Variants in KAT2B observed in about 807,000 individuals in gnomAD.
The protein encoded by KAT2B is histone acetyltransferase KAT2B.
KAT2B carries 36 observed loss-of-function variants against 105.9 expected under a neutral mutation model. The ratio of observed to expected loss-of-function variants is 0.34; its 90% CI spans 0.26 to 0.45. KAT2B has a LOEUF of 0.45. Ranked by LOEUF, KAT2B falls within the 20% of genes least tolerant of loss-of-function variation. The pLI is 1.00. For synonymous variants in KAT2B, 397 were observed against 377.9 expected, an observed-to-expected ratio of 1.05 and a Z score of -0.59; for missense variants, 820 against 1,021.6, an observed-to-expected ratio of 0.80 and a Z score of 2.69.
chr3:20,073,718 A>AAC (rs374789967), intron 2 of KAT2B, among the ~76,000 whole-genome samples: 62,480 of 151,766 alleles, frequency 0.41, 13,116 homozygotes, highest in South Asian at 0.49. Flanking sequence ...CTTTTTAAAA[A>AAC]AATAAATAAA....
chr3:20,050,172 C>T (rs563107220), intron 1 of KAT2B, among the ~76,000 whole-genome samples: 3 of 150,420 alleles, frequency 2.0e-5, no homozygotes, highest in African/African-American at 7.3e-5. Context: ...TGCACTCTAG[C>T]CTGGGCAATG....
chr3:20,122,757 G>A lies in KAT2B; in HGVS notation c.1366G>A (p.Glu456Lys), dbSNP rs201839892. ...GGATATTCCGATGGAATTAATCAAC[G>A]AGGTTATGTCTACCATCACGGACCC... is the stretch of plus-strand genomic sequence containing the variant. The part of the protein sequence containing the change: ...MGDIPMELIN[E>K]VMSTITDPAA... Residue 456 changes from glutamate (E) to lysine (K), a missense_variant, in exon 9 of 18, where the codon GAG (glutamate) becomes AAG (lysine). This residue lies in a region of KAT2B where 225 missense variants were observed against 268.1 expected (regional missense o/e 0.84). Transcript: ENST00000263754. 1.7e-5 allele frequency: 28 copies of A among 1,614,110 alleles called. No individual in the cohort carries two copies. Among genetic ancestry groups the A allele is most frequent in the East Asian group, 8.9e-5 (4 of 44,880 alleles).
intron 11 of KAT2B, among the ~76,000 whole-genome samples, chr3:20,133,409 C>A (rs1699545072): frequency 8.8e-6 from 1 of 113,530 alleles, no homozygotes; most frequent in African/African-American, 3.6e-5. Context: ...CTCAGGTACT[C>A]AGTAGCTACA....
intron 1 of KAT2B, among the ~76,000 whole-genome samples, chr3:20,066,528 A>G (rs1698225388): frequency 6.6e-6 from 1 of 152,066 alleles, no homozygotes; most frequent in African/African-American, 2.4e-5. Flanking sequence ...CTTCCCGAGT[A>G]GCTGGGATTA....
chr3:20,079,092 G>C (rs957077384), intron 2 of KAT2B, among the ~76,000 whole-genome samples: 8 of 150,226 alleles, frequency 5.3e-5, no homozygotes, highest in Non-Finnish European at 7.4e-5. Context: ...GTAGAGAGTG[G>C]ATTTTGCCAA....
intron 3 of KAT2B, 34 bp downstream of exon 3, chr3:20,095,442 C>A: frequency 6.8e-7 from 1 of 1,469,614 alleles, no homozygotes; most frequent in South Asian, 1.2e-5. Flanking sequence ...CATTTTCTCT[C>A]ATTATTCAAA....
intron 2 of KAT2B, among the ~76,000 whole-genome samples, chr3:20,080,709 C>G (rs1198403051): frequency 6.6e-6 from 1 of 152,150 alleles, no homozygotes; most frequent in African/African-American, 2.4e-5. Flanking sequence ...CCATGTGTGG[C>G]TATTGAACAC....
intron 5 of KAT2B, 33 bp from the exon 6 acceptor site, chr3:20,111,563 G>A: frequency 6.4e-7 from 1 of 1,553,862 alleles, no homozygotes; most frequent in South Asian, 1.2e-5. Flanking sequence ...GGGTTTATGG[G>A]ATATTGATGG....
At chr3:20,046,304 G>T (rs1697809769) in intron 1 of KAT2B, among the ~76,000 whole-genome samples, 1 of 152,140 alleles carries the variant, frequency 6.6e-6, no homozygotes, top group Non-Finnish European at 1.5e-5. Flanking sequence ...AATAGGCCCA[G>T]GGCATGGTGG....
At chr3:20,076,146 C>T (rs551101931) in intron 2 of KAT2B, among the ~76,000 whole-genome samples, 1 of 152,182 alleles carries the variant, frequency 6.6e-6, no homozygotes, top group East Asian at 1.9e-4. Flanking sequence ...GATACTCCTC[C>T]TGCTCAGGAA....
chr3:20,107,984 T>A (rs1699053721), intron 5 of KAT2B, among the ~76,000 whole-genome samples: 1 of 151,696 alleles, frequency 6.6e-6, no homozygotes, highest in African/African-American at 2.4e-5. Flanking sequence ...AATGTTTATA[T>A]TTTTTAGTAG....
At chr3:20,113,818 T>C (rs1454354951) in intron 6 of KAT2B, among the ~76,000 whole-genome samples, 1 of 152,066 alleles carries the variant, frequency 6.6e-6, no homozygotes, top group Non-Finnish European at 1.5e-5. Context: ...TGCCTTTTTT[T>C]CCACTTGGCT....
At position 20,040,822 on chromosome 3, in the gene KAT2B, GC is replaced by G. The variant is rs752319109; in HGVS notation, c.303+45del. 6 of 1,529,688 alleles carry G rather than the reference GC, an allele frequency of 3.9e-6. No individual in the cohort carries two copies. The East Asian group carries it at 1.6e-4, about 40-fold the overall frequency. The allele number at this position is 1,529,688 out of a possible 1,614,324, so 94.8% of individuals were successfully genotyped here. On this transcript the variant is annotated intron_variant, in intron 1 of 17. Coordinates refer to ENST00000263754, the MANE Select transcript of KAT2B (RefSeq NM_003884.5). ...CTCGGACCGCGGATGGGTGCTAGGG[GC>G]CCAGCCCGCGGGACCCCCCTCCCCC...
chr3:20,120,432 T>C (rs937458249), intron 8 of KAT2B, among the ~76,000 whole-genome samples: 1 of 152,058 alleles, frequency 6.6e-6, no homozygotes, highest in South Asian at 2.1e-4. Flanking sequence ...TTTGCCATAT[T>C]GGTCAGGCTG....
intron 1 of KAT2B, among the ~76,000 whole-genome samples, chr3:20,046,098 C>G (rs1250575356): frequency 6.6e-6 from 1 of 152,142 alleles, no homozygotes; most frequent in Non-Finnish European, 1.5e-5. Flanking sequence ...AAAAAAGTGT[C>G]CCCAGAATTC....
intron 5 of KAT2B, among the ~76,000 whole-genome samples, chr3:20,105,982 T>C (rs1185873046): frequency 6.6e-6 from 1 of 152,138 alleles, no homozygotes; most frequent in African/African-American, 2.4e-5. Flanking sequence ...TCAGGAAGCA[T>C]GGAAAGAACA....
Position 20,099,891 on chromosome 3 carries a change from A to C in KAT2B, c.606A>C (p.Gly202=), listed in dbSNP as rs751861624. 6.2e-7 allele frequency: 1 copy of C among 1,607,600 alleles called. No homozygotes were observed. The highest frequency in any genetic ancestry group is 1.7e-5 in the Admixed American group (1 of 59,680). ...TGAGAAAGTCTATTTTACAAAGAGG[A>C]AAACCTGTGGTTGAAGGCTCTTTGG... ...KLLRKSILQR[G]KPVVEGSLEK... The change falls in exon 4 of 18, where the codon GGA becomes GGC. Residue 202 remains glycine (G), a synonymous_variant. Coordinates refer to ENST00000263754, the MANE Select transcript of KAT2B (RefSeq NM_003884.5).
intron 1 of KAT2B, among the ~76,000 whole-genome samples, chr3:20,050,705 CTTT>C (rs769997231): frequency 3.5e-5 from 5 of 142,444 alleles, no homozygotes; most frequent in African/African-American, 2.6e-5. Flanking sequence ...TGGGATGAAT[CTTT>C]TTTTTTTTTT....
rs941522964 is a variant in KAT2B at position 20,152,830 on chromosome 3, G to A, written c.*305G>A. On this transcript the variant is annotated 3_prime_UTR_variant, in exon 18 of 18. Transcript: ENST00000263754. Reference sequence around the variant, plus strand: ...TTAGGGGTTTCCTCAAAACCTGTGTGTGAGGAAATTGCACACAGTAGCAAA... The same window carrying A: ...TTAGGGGTTTCCTCAAAACCTGTGTATGAGGAAATTGCACACAGTAGCAAA... 1 of 176,884 alleles carries A rather than the reference G, an allele frequency of 5.7e-6. No homozygotes were observed. The highest frequency in any genetic ancestry group is 1.2e-5 in the Non-Finnish European group (1 of 83,648). 11.0% of individuals were successfully genotyped at this position (176,884 alleles called of 1,614,324 possible).
Sources: gnomAD v4.1 joint callset for allele counts (sites outside exome capture counted in the v4.1 genomes callset) on GRCh38, gnomAD v4.1.1 for gene constraint, gnomAD v4.1.1 regional missense constraint, MANE v1.5 for transcripts, NCBI Gene and HGNC (gene_info 2026-07-23, HGNC 2026-07-21) for gene names.